The following SEMA4A variants were observed in gnomAD, a reference collection of about 807,000 sequenced individuals.
SEMA4A encodes the protein semaphorin-4A.
Under a neutral mutation model 72.5 loss-of-function variants are expected in SEMA4A, and 52 were observed. The ratio of observed to expected loss-of-function variants is 0.72; its 90% CI spans 0.57 to 0.90. The LOEUF is 0.90. SEMA4A is among the 40% of genes least tolerant of loss of function. The pLI is 0.00. For synonymous variants in SEMA4A, 369 were observed against 393.1 expected (o/e 0.94, Z 0.73); for missense variants, 926 against 959.7 (o/e 0.96, Z 0.46).
chr1:156,163,393 C>T, intron 10 of SEMA4A: 1 of 402,790 alleles, frequency 2.5e-6, no homozygotes, highest in South Asian at 2.6e-5. Flanking sequence ...CTGTCTTGGG[C>T]ATTGCCACCT....
At chr1:156,169,639 C>A (rs1383631954) in intron 10 of SEMA4A, among the ~76,000 whole-genome samples, 3 of 150,338 alleles carry the variant, frequency 2.0e-5, no homozygotes, top group Non-Finnish European at 4.4e-5. Flanking sequence ...CCAGGATGGT[C>A]TCGATCTCCT....
Position 156,160,987 on chromosome 1 carries a change from C to T in SEMA4A, c.768C>T (p.Phe256=). ...FFEETASEFD[F]FERLHTSRVA... is the part of the protein sequence containing the mutation. ...AGGAGACAGCCAGCGAGTTTGACTT[C>T]TTTGAGAGGCTCCACACATCGCGGG... Residue 256 remains phenylalanine, a synonymous_variant, in exon 8 of 15, where the codon TTC becomes TTT. Coordinates refer to ENST00000368285, the MANE Select transcript of SEMA4A (RefSeq NM_022367.4). 1.2e-6 allele frequency: 2 copies of T among 1,612,184 alleles called. No homozygotes were observed. Among genetic ancestry groups the T allele is most frequent in the Non-Finnish European group, 1.7e-6 (2 of 1,179,528 alleles).
At position 156,176,837 on chromosome 1, in the gene SEMA4A, C is replaced by A; in HGVS notation, c.2126C>A (p.Ala709Glu). The change falls in exon 15 of 15, where the codon GCA becomes GAA. Residue 709 changes from alanine to glutamate, a missense_variant. Coordinates refer to ENST00000368285, the MANE Select transcript of SEMA4A (RefSeq NM_022367.4). ...LIILVASPLR[A>E]LRARGKVQGC... is the part of the protein sequence containing the mutation. Reference sequence around the variant, plus strand: ...ATCCTCGTGGCCTCCCCATTGAGAGCACTCCGGGCTCGGGGCAAGGTTCAG... The same window carrying A: ...ATCCTCGTGGCCTCCCCATTGAGAGAACTCCGGGCTCGGGGCAAGGTTCAG... The A allele has an allele frequency of 6.2e-7, 1 of 1,614,226 alleles. No homozygotes were observed. The highest frequency in any genetic ancestry group is 8.5e-7 in the Non-Finnish European group (1 of 1,180,022).
chr1:156,175,738 TCCTCC>T (rs1655264852), intron 14 of SEMA4A, 82 bp downstream of exon 14: 1 of 987,072 alleles, frequency 1.0e-6, no homozygotes, highest in African/African-American at 1.6e-5. Flanking sequence ...TGCTCCAATT[TCCTCC>T]CCCAGCACCT....
At chr1:156,153,231 C>G (rs982864724), upstream of SEMA4A, 2 of 152,048 alleles carry the variant, frequency 1.3e-5, no homozygotes, top group Admixed American at 1.3e-4. Context: ...AAAGGTTAGA[C>G]CACTGCAGGG....
intron 7 of SEMA4A, 146 bp from the exon 8 acceptor site, chr1:156,160,759 C>A: frequency 8.2e-7 from 1 of 1,220,844 alleles, no homozygotes. Flanking sequence ...GTCATCCCCA[C>A]CCCACATCGC....
intron 13 of SEMA4A, 44 bp from the exon 14 acceptor site, chr1:156,175,512 T>G (rs756295569): frequency 1.3e-6 from 2 of 1,493,426 alleles, no homozygotes; most frequent in Non-Finnish European, 1.9e-6. Context: ...CTTCCCACTT[T>G]CAGCTCTTTT....
chr1:156,161,053 G>T, intron 8 of SEMA4A, 24 bp downstream of exon 8: 1 of 1,057,374 alleles, frequency 9.5e-7, no homozygotes, highest in South Asian at 1.3e-5. Context: ...GCGGGGGGCG[G>T]GGCTAACTGG....
rs375988988 is a variant in SEMA4A at position 156,158,101 on chromosome 1, G to A, written c.332G>A (p.Ser111Asn). 1.2e-5 allele frequency: 20 copies of A among 1,614,092 alleles called. No individual in the cohort carries two copies. The highest frequency in any genetic ancestry group is 1.5e-5 in the Non-Finnish European group (18 of 1,180,050). Residue 111 changes from serine to asparagine, a missense_variant, in exon 4 of 15, where the codon AGT becomes AAT. Transcript: ENST00000368285. ...IPWPASDRKK[S>N]ECAFKKKSNE... ...TGGCCAGCCAGTGACAGAAAAAAGA[G>A]TGAATGTGCCTTTAAGAAGAAGAGC... is the stretch of plus-strand genomic sequence containing the variant.
At chr1:156,167,475 CAAAAAAAA>C (rs58793729) in intron 10 of SEMA4A, among the ~76,000 whole-genome samples, 1 of 103,636 alleles carries the variant, frequency 9.6e-6, no homozygotes, top group Non-Finnish European at 2.0e-5. Context: ...GACCCTGTCT[CAAAAAAAA>C]AAAAAAAAAA....
intron 10 of SEMA4A, among the ~76,000 whole-genome samples, chr1:156,165,018 C>G (rs1043705797): frequency 6.6e-6 from 1 of 152,048 alleles, no homozygotes; most frequent in African/African-American, 2.4e-5. Context: ...CCAGACTGGT[C>G]TCTAACTCCT....
At position 156,177,093 on chromosome 1, in the gene SEMA4A, G is replaced by T; in HGVS notation, c.*96G>T. On this transcript the variant is annotated 3_prime_UTR_variant, in exon 15 of 15. Transcript: ENST00000368285. Reference sequence around the variant, plus strand: ...TGACTAGGATGACAGCAGCACAAAAGACCACCTTTCTCCCCTGAGAGGAGC... The same window carrying T: ...TGACTAGGATGACAGCAGCACAAAATACCACCTTTCTCCCCTGAGAGGAGC... 1 of 1,070,514 alleles carries T rather than the reference G, an allele frequency of 9.3e-7. No individual in the cohort carries two copies. The highest frequency in any genetic ancestry group is 2.5e-5 in the East Asian group (1 of 39,890). The allele number at this position is 1,070,514 out of a possible 1,614,324, so 66.3% of individuals were successfully genotyped here. A position where few individuals can be genotyped will look rare whatever the true frequency, so the allele number is the denominator to read the frequency against.
At chr1:156,174,403 C>T (rs1353409109) in intron 11 of SEMA4A, among the ~76,000 whole-genome samples, 3 of 152,234 alleles carry the variant, frequency 2.0e-5, no homozygotes, top group Non-Finnish European at 4.4e-5. Context: ...ATTTGAGTCA[C>T]GTAGAGGTGT....
At position 156,175,231 on chromosome 1, in the gene SEMA4A, C is replaced by T; in HGVS notation, c.1580C>T (p.Ser527Phe). 1 of 1,612,530 alleles carries T rather than the reference C, an allele frequency of 6.2e-7. No individual in the cohort carries two copies. The highest frequency in any genetic ancestry group is 1.1e-5 in the South Asian group (1 of 90,968). ...GAGTCCCGAACCTGTTGCCTCCTGT[C>T]TGCCCCCAACCTGTGAGTGCCAGTC... is the stretch of plus-strand genomic sequence containing the variant. ...DPESRTCCLLSAPNLNSWKQD... is the reference protein window; with the variant it reads ...DPESRTCCLLFAPNLNSWKQD... The change falls in exon 13 of 15, where the codon TCT becomes TTT. Residue 527 changes from serine (S) to phenylalanine (F), a missense_variant. Ser to Phe is a radical substitution (Grantham distance 155). Transcript: ENST00000368285.
chr1:156,162,506 G>T (rs1414309263), intron 9 of SEMA4A, among the ~76,000 whole-genome samples: 1 of 152,212 alleles, frequency 6.6e-6, no homozygotes, highest in East Asian at 1.9e-4. Flanking sequence ...ACAGACCAGG[G>T]TTGAGGAATA....
intron 8 of SEMA4A, 123 bp from the exon 9 acceptor site, chr1:156,161,223 G>T: frequency 3.1e-6 from 2 of 642,868 alleles, no homozygotes; most frequent in Non-Finnish European, 4.8e-6. Context: ...AGGGGGCGGG[G>T]TGGGGACACG....
chr1:156,176,531 A>G lies in SEMA4A; in HGVS notation c.1820A>G (p.Asn607Ser). ...AVPEASSTVYNGSLLLIVQDG... is the reference protein window; with the variant it reads ...AVPEASSTVYSGSLLLIVQDG... ...CCAGAAGCCTCTTCCACTGTCTACA[A>G]TGGCTCCCTCTTGCTGATAGTGCAG... Residue 607 changes from asparagine to serine, a missense_variant, in exon 15 of 15, where the codon AAT becomes AGT. Physicochemically the swap from Asn to Ser is conservative, Grantham distance 46. Coordinates refer to ENST00000368285, the MANE Select transcript of SEMA4A (RefSeq NM_022367.4). The G allele has an allele frequency of 6.2e-7, 1 of 1,614,086 alleles. No homozygotes were observed. Among genetic ancestry groups the G allele is most frequent in the Non-Finnish European group, 8.5e-7 (1 of 1,180,012 alleles).
chr1:156,164,050 A>C lies in SEMA4A; in HGVS notation c.1134+956A>C, dbSNP rs1240352740. Among the ~76,000 whole-genome samples the C allele has an allele frequency of 2.1e-5, 3 of 143,866 alleles. No homozygotes were observed. In the East Asian group the frequency reaches 5.9e-4, roughly 28 times the overall value. The allele number at this position is 143,866 out of a possible 152,430, so 94.4% of individuals were successfully genotyped here. A position where few individuals can be genotyped will look rare whatever the true frequency, so the allele number is the denominator to read the frequency against. ...TGTCTCTAAAGAAGTTTTTAAATGA[A>C]AAAAAAAAAAAAAAAATCACAGCCT... On this transcript the variant is annotated intron_variant, in intron 10 of 14. Coordinates refer to ENST00000368285, the MANE Select transcript of SEMA4A (RefSeq NM_022367.4).
chr1:156,156,631 ACCCTGGGCTTGGCT>A, intron 3 of SEMA4A, 57 bp downstream of exon 3: 1 of 1,589,736 alleles, frequency 6.3e-7, no homozygotes, highest in Middle Eastern at 2.0e-4. Context: ...GCCGGCAGCT[ACCCTGGGCTTGGCT>A]GCCTGTGCAT....
Sources: allele counts gnomAD v4.1 joint callset (sites outside exome capture counted in the v4.1 genomes callset), GRCh38; gene constraint gnomAD v4.1.1; transcripts MANE v1.5; gene names NCBI Gene and HGNC (gene_info 2026-07-23, HGNC 2026-07-21).